Variants in DGUOK observed in about 807,000 individuals in gnomAD.
DGUOK encodes deoxyguanosine kinase, mitochondrial.
Under a neutral mutation model 36.6 loss-of-function variants are expected in DGUOK, and 30 were observed. The observed-to-expected ratio is 0.82, with a 90% confidence interval of 0.61 to 1.11. The LOEUF (loss-of-function observed/expected upper bound fraction) is 1.11, where lower values mean the gene tolerates loss of function less well. Ranked by LOEUF, DGUOK falls within the 50% of genes most tolerant of loss-of-function variation. The probability of loss-of-function intolerance (pLI) is 0.00; values close to 1 mark genes in which losing one functional copy is unlikely to be tolerated. For missense variants in DGUOK, 361 were observed against 336.4 expected (o/e 1.07, Z -0.57); for synonymous variants, 145 against 126.3 (o/e 1.15, Z -0.99).
intron 3 of DGUOK, 160 bp downstream of exon 3, chr2:73,947,066 T>G: frequency 2.7e-6 from 2 of 740,762 alleles, no homozygotes; most frequent in Non-Finnish European, 4.6e-6. Context: ...AGAGTTGTAC[T>G]TCTACCAGAT....
chr2:73,933,839 A>G (rs968885282), intron 1 of DGUOK, among the ~76,000 whole-genome samples: 3 of 152,228 alleles, frequency 2.0e-5, no homozygotes, highest in Non-Finnish European at 2.9e-5. Flanking sequence ...TAGCTACTCC[A>G]TAAACATTTG....
intron 2 of DGUOK, among the ~76,000 whole-genome samples, chr2:73,943,285 G>A (rs1682032205): frequency 6.6e-6 from 1 of 151,734 alleles, no homozygotes; most frequent in Non-Finnish European, 1.5e-5. Context: ...GGTGAGTTGG[G>A]ACTATAGGTG....
intron 3 of DGUOK, among the ~76,000 whole-genome samples, chr2:73,948,830 C>T (rs1328818281): frequency 2.6e-5 from 4 of 152,194 alleles, no homozygotes; most frequent in Non-Finnish European, 5.9e-5. Context: ...CAGCACCACA[C>T]CCTTCTGCCC....
At chr2:73,943,327 T>TAA (rs879823601) in intron 2 of DGUOK, among the ~76,000 whole-genome samples, 4 of 144,150 alleles carry the variant, frequency 2.8e-5, no homozygotes, top group Non-Finnish European at 6.1e-5. Context: ...TTAAAAATTT[T>TAA]TTTTTTTTTT....
At position 73,938,925 on chromosome 2, in the gene DGUOK, C is replaced by T. The variant is rs768422992; in HGVS notation, c.158C>T (p.Thr53Met). Residue 53 changes from threonine (T) to methionine (M), a missense_variant, in exon 2 of 7, where the codon ACG becomes ATG. Coordinates refer to ENST00000264093, the MANE Select transcript of DGUOK (RefSeq NM_080916.3). ...TGCATTGCAGCTGTGGGAAAGTCCA[C>T]GTTTGTGAAGTTACTCACGAAAACT... The part of the protein sequence containing the change: ...IEGNIAVGKS[T>M]FVKLLTKTYP... 5.6e-6 allele frequency: 9 copies of T among 1,613,034 alleles called. No individual in the cohort carries two copies. Among genetic ancestry groups the T allele is most frequent in the Admixed American group, 1.7e-5 (1 of 60,018 alleles).
chr2:73,936,541 A>G (rs1371875376), intron 1 of DGUOK, among the ~76,000 whole-genome samples: 5 of 152,170 alleles, frequency 3.3e-5, no homozygotes, highest in Admixed American at 2.0e-4. Context: ...AATGTCATCT[A>G]TTAAATGTGT....
Position 73,938,967 on chromosome 2 carries a change from T to C in DGUOK, c.200T>C (p.Val67Ala). Residue 67 changes from valine to alanine, a missense_variant, in exon 2 of 7, where the codon GTA becomes GCA. Coordinates refer to ENST00000264093, the MANE Select transcript of DGUOK (RefSeq NM_080916.3). Reference sequence around the variant, plus strand: ...ACGAAAACTTACCCAGAATGGCACGTAGCTACAGAACCTGTAGCAACATGG... The same window carrying C: ...ACGAAAACTTACCCAGAATGGCACGCAGCTACAGAACCTGTAGCAACATGG... Reference protein sequence around the residue: ...LLTKTYPEWHVATEPVATWQN... With the variant: ...LLTKTYPEWHAATEPVATWQN... 1 of 1,614,098 alleles carries C rather than the reference T, an allele frequency of 6.2e-7. No homozygotes were observed. The highest frequency in any genetic ancestry group is 1.1e-5 in the South Asian group (1 of 91,086).
chr2:73,935,514 C>T (rs1432079973), intron 1 of DGUOK, among the ~76,000 whole-genome samples: 1 of 152,174 alleles, frequency 6.6e-6, no homozygotes, highest in East Asian at 1.9e-4. Context: ...TATCACAGCA[C>T]TGAGAAAGTT....
intron 1 of DGUOK, among the ~76,000 whole-genome samples, chr2:73,929,880 G>A (rs1680881678): frequency 6.6e-6 from 1 of 152,168 alleles, no homozygotes; most frequent in Admixed American, 6.6e-5. Context: ...TCATGGGGTG[G>A]TAGCTGAAAT....
chr2:73,937,506 T>C (rs149803339), intron 1 of DGUOK, among the ~76,000 whole-genome samples: 11 of 152,074 alleles, frequency 7.2e-5, no homozygotes, highest in Non-Finnish European at 1.5e-4. Flanking sequence ...AGGACAAATA[T>C]GAAAAATGTA....
intron 2 of DGUOK, among the ~76,000 whole-genome samples, chr2:73,942,194 G>A (rs1265248598): frequency 1.3e-5 from 2 of 152,120 alleles, no homozygotes; most frequent in Admixed American, 6.5e-5. Context: ...ACAGGCGTGA[G>A]CCACTGCGCC....
At chr2:73,931,811 G>T (rs1681059480) in intron 1 of DGUOK, among the ~76,000 whole-genome samples, 1 of 152,190 alleles carries the variant, frequency 6.6e-6, no homozygotes, top group African/African-American at 2.4e-5. Flanking sequence ...GGCTATTGGA[G>T]TAATTGGAGG....
At chr2:73,928,974 A>T (rs1480620012) in intron 1 of DGUOK, among the ~76,000 whole-genome samples, 1 of 152,242 alleles carries the variant, frequency 6.6e-6, no homozygotes, top group Non-Finnish European at 1.5e-5. Flanking sequence ...GATAGGGCCA[A>T]TTGGATTTGG....
intron 1 of DGUOK, among the ~76,000 whole-genome samples, chr2:73,931,435 T>C (rs557509386): frequency 4.1e-4 from 63 of 152,272 alleles, no homozygotes; most frequent in Non-Finnish European, 1.3e-4. Flanking sequence ...CCACCACGCC[T>C]AGCTAACACA....
chr2:73,934,010 T>C (rs183182767), intron 1 of DGUOK, among the ~76,000 whole-genome samples: 5 of 152,352 alleles, frequency 3.3e-5, no homozygotes, highest in Admixed American at 2.6e-4. Flanking sequence ...GGATTTTTTT[T>C]CTCATGTTTT....
rs1052493417 is a variant in DGUOK, at chr2:73,953,496, A to G, written c.591+2764A>G. Among the ~76,000 whole-genome samples the G allele has an allele frequency of 5.3e-5, 8 of 152,074 alleles. No homozygotes were observed. The South Asian group carries it at 8.3e-4, about 16-fold the overall frequency. On this transcript the variant is annotated intron_variant, in intron 4 of 6. Coordinates refer to ENST00000264093, the MANE Select transcript of DGUOK (RefSeq NM_080916.3). ...TGGCATTAGTTCCAGAGATGCAGGA[A>G]TGCCCATGTTTCTTCCCTGAAGTCA...
At chr2:73,941,704 C>G (rs1165470527) in intron 2 of DGUOK, among the ~76,000 whole-genome samples, 1 of 152,032 alleles carries the variant, frequency 6.6e-6, no homozygotes, top group Non-Finnish European at 1.5e-5. Flanking sequence ...AGCAGTGTTG[C>G]AATGATGAAT....
At chr2:73,957,093 G>T (rs1473632550) in intron 4 of DGUOK, 32 bp from the exon 5 acceptor site, 1 of 1,526,788 alleles carries the variant, frequency 6.5e-7, no homozygotes. Flanking sequence ...AAACAGCAAA[G>T]AGCTCATCAG....
chr2:73,948,127 T>C (rs1283263868), intron 3 of DGUOK, among the ~76,000 whole-genome samples: 8 of 152,192 alleles, frequency 5.3e-5, no homozygotes, highest in Non-Finnish European at 1.2e-4. Flanking sequence ...GTTTTACTTC[T>C]TTTTCAGCTG....
Sources: gnomAD v4.1 joint callset for allele counts (sites outside exome capture counted in the v4.1 genomes callset) on GRCh38, gnomAD v4.1.1 for gene constraint, MANE v1.5 for transcripts, NCBI Gene and HGNC (gene_info 2026-07-23, HGNC 2026-07-21) for gene names.